Variants in NRCAM observed in about 807,000 individuals in gnomAD.
The protein encoded by NRCAM is neuronal cell adhesion molecule.
In NRCAM, 83 loss-of-function variants were observed where a neutral mutation model predicts 156.5. That is an observed-to-expected ratio of 0.53 (90% CI 0.44 to 0.64). The LOEUF (loss-of-function observed/expected upper bound fraction) is 0.64, where lower values mean the gene tolerates loss of function less well. NRCAM is among the 30% of genes least tolerant of loss of function. NRCAM has a pLI of 0.00. For missense variants in NRCAM, 1,417 were observed against 1,597.3 expected (o/e 0.89, Z 1.92); for synonymous variants, 538 against 563.9 (o/e 0.95, Z 0.65).
intron 20 of NRCAM, among the ~76,000 whole-genome samples, chr7:108,185,869 T>C (rs2066446227): frequency 6.6e-6 from 1 of 151,988 alleles, no homozygotes; most frequent in Non-Finnish European, 1.5e-5. Context: ...CTTGTGTAAA[T>C]GTAAAACGAA....
chr7:108,360,768 G>A (rs1283306611), intron 2 of NRCAM, among the ~76,000 whole-genome samples: 1 of 152,168 alleles, frequency 6.6e-6, no homozygotes, highest in Non-Finnish European at 1.5e-5. Context: ...AACAAATGGT[G>A]TTGGGATAAG....
At position 108,428,172 on chromosome 7, in the gene NRCAM, CA is replaced by C. The variant is rs1388994684; in HGVS notation, c.-332+28070del. ...ATATCTTCAATGACATTAGTCACAACACCATGCTATTTATTATATTATACAT... is the reference window on the plus strand; with the variant it reads ...ATATCTTCAATGACATTAGTCACAACCCATGCTATTTATTATATTATACAT... On this transcript the variant is annotated intron_variant, in intron 1 of 32. Transcript: ENST00000379028. Among the ~76,000 whole-genome samples the C allele has an allele frequency of 5.3e-5, 8 of 152,308 alleles. No individual in the cohort carries two copies. In the South Asian group the frequency reaches 1.2e-3, roughly 24 times the overall value.
At chr7:108,429,303 T>C (rs1019841137) in intron 1 of NRCAM, among the ~76,000 whole-genome samples, 2 of 152,174 alleles carry the variant, frequency 1.3e-5, no homozygotes, top group African/African-American at 4.8e-5. Context: ...GTGATTCTCC[T>C]GCCTCAGCCT....
At chr7:108,155,900 T>C (rs1217154147) in intron 32 of NRCAM, among the ~76,000 whole-genome samples, 2 of 152,118 alleles carry the variant, frequency 1.3e-5, no homozygotes, top group African/African-American at 4.8e-5. Flanking sequence ...GAATAAATTT[T>C]TAGGGAGTTC....
At chr7:108,328,599 C>G (rs993278365) in intron 2 of NRCAM, 1 of 152,196 alleles carries the variant, frequency 6.6e-6, no homozygotes, top group Admixed American at 6.5e-5. Context: ...CAATCCAAAG[C>G]TGCTCAGACC....
At chr7:108,366,013 G>A (rs1430481135) in intron 2 of NRCAM, among the ~76,000 whole-genome samples, 2 of 152,276 alleles carry the variant, frequency 1.3e-5, no homozygotes, top group Non-Finnish European at 1.5e-5. Flanking sequence ...TCTCATGGAG[G>A]AGACTGGGGC....
intron 2 of NRCAM, among the ~76,000 whole-genome samples, chr7:108,347,282 C>T (rs1214927769): frequency 2.6e-5 from 4 of 152,128 alleles, no homozygotes; most frequent in African/African-American, 4.8e-5. Flanking sequence ...GTGATCCACC[C>T]GCCTCGGCCT....
intron 30 of NRCAM, among the ~76,000 whole-genome samples, chr7:108,163,672 G>T (rs1379653884): frequency 6.6e-6 from 1 of 152,086 alleles, no homozygotes; most frequent in African/African-American, 2.4e-5. Context: ...GAGGTGGATG[G>T]CATTAATGAG....
chr7:108,156,393 G>C (rs2045511230), intron 32 of NRCAM: 1 of 984,008 alleles, frequency 1.0e-6, no homozygotes, highest in African/African-American at 1.7e-5. Context: ...TTACACTCTT[G>C]GTTGCATTGT....
At position 108,161,781 on chromosome 7, in the gene NRCAM, T is replaced by TA. The variant is rs111958316; in HGVS notation, c.3467-1290dup. Among the ~76,000 whole-genome samples, 17 of 151,912 alleles carry TA rather than the reference T, an allele frequency of 1.1e-4. No individual in the cohort carries two copies. In the South Asian group the frequency reaches 1.9e-3, roughly 17 times the overall value. ...AAAAATCAAGTGTGAAGAGGAAGGT[T>TA]AAAAAAAATATGGACATATGTAGAA... On this transcript the variant is annotated intron_variant, in intron 30 of 32. Transcript: ENST00000379028.
chr7:108,393,400 T>C (rs1349233841), intron 2 of NRCAM, among the ~76,000 whole-genome samples: 1 of 152,144 alleles, frequency 6.6e-6, no homozygotes, highest in Non-Finnish European at 1.5e-5. Context: ...ATATATAATA[T>C]AAACTGTGTG....
intron 32 of NRCAM, among the ~76,000 whole-genome samples, chr7:108,151,656 C>T (rs1054919129): frequency 2.0e-5 from 3 of 152,160 alleles, no homozygotes; most frequent in Non-Finnish European, 2.9e-5. Flanking sequence ...TAATAAACAA[C>T]TGGAGAGGTA....
intron 2 of NRCAM, among the ~76,000 whole-genome samples, chr7:108,377,689 T>C (rs1198213127): frequency 6.6e-6 from 1 of 152,066 alleles, no homozygotes; most frequent in Non-Finnish European, 1.5e-5. Context: ...ACAGCAACAC[T>C]TTTCCAGTAC....
At chr7:108,227,783 G>T (rs529431728) in intron 8 of NRCAM, among the ~76,000 whole-genome samples, 10 of 152,298 alleles carry the variant, frequency 6.6e-5, no homozygotes, top group African/African-American at 2.2e-4. Context: ...TTTTTGCAGT[G>T]TAAGTCAAGC....
chr7:108,423,793 T>C (rs950156509), intron 1 of NRCAM, among the ~76,000 whole-genome samples: 1 of 152,224 alleles, frequency 6.6e-6, no homozygotes, highest in African/African-American at 2.4e-5. Flanking sequence ...CAGAGGCTAT[T>C]GCTTGCTGTG....
At position 108,192,490 on chromosome 7, in the gene NRCAM, C is replaced by T. The variant is rs190281976; in HGVS notation, c.1779-637G>A. On this transcript the variant is annotated intron_variant, in intron 17 of 32. Transcript: ENST00000379028. ...ATCCTGAAGCCATTGTGCCCCCACC[C>T]TGTCCGTGGAAAAACTGTCTTCCAT... 3.9e-4 allele frequency among the ~76,000 whole-genome samples: 60 copies of T among 152,226 alleles called. 1 individual carries two copies. In the East Asian group the frequency reaches 0.01, roughly 25 times the overall value.
intron 1 of NRCAM, among the ~76,000 whole-genome samples, chr7:108,443,278 C>A (rs1448054835): frequency 6.6e-6 from 1 of 152,090 alleles, no homozygotes; most frequent in Non-Finnish European, 1.5e-5. Context: ...ACAGACAAGG[C>A]TGCCGCTGGT....
At chr7:108,386,492 T>A (rs1013609479) in intron 2 of NRCAM, among the ~76,000 whole-genome samples, 2 of 152,182 alleles carry the variant, frequency 1.3e-5, no homozygotes, top group Non-Finnish European at 2.9e-5. Flanking sequence ...ATCTAATACT[T>A]GTATTTTAAC....
intron 28 of NRCAM, among the ~76,000 whole-genome samples, chr7:108,174,687 T>TA (rs926672149): frequency 4.9e-4 from 74 of 152,352 alleles, no homozygotes; most frequent in African/African-American, 1.6e-3. Context: ...TGTTGGCTAT[T>TA]ACTCAGGAGG....
Sources: gnomAD v4.1 joint callset for allele counts (sites outside exome capture counted in the v4.1 genomes callset) on GRCh38, gnomAD v4.1.1 for gene constraint, MANE v1.5 for transcripts, NCBI Gene and HGNC (gene_info 2026-07-23, HGNC 2026-07-21) for gene names.